NCAPD2: variants seen among roughly 807,000 people sequenced by gnomAD.
NCAPD2 encodes condensin complex subunit 1.
A neutral mutation model predicts 164.5 loss-of-function variants in NCAPD2; 100 were observed. The ratio of observed to expected loss-of-function variants is 0.61; its 90% CI spans 0.52 to 0.72. The LOEUF is 0.72. Ranked by LOEUF, NCAPD2 falls within the 30% of genes least tolerant of loss-of-function variation. NCAPD2 has a pLI of 0.00. For synonymous variants in NCAPD2, 585 were observed against 642.6 expected (o/e 0.91, Z 1.36); for missense variants, 1,560 against 1,749.2 (o/e 0.89, Z 1.93).
intron 4 of NCAPD2, 59 bp downstream of exon 4, chr12:6,510,192 CTGTT>C (rs750802926): frequency 8.6e-5 from 129 of 1,503,712 alleles, no homozygotes; most frequent in South Asian, 7.2e-4. Context: ...GTTTGTTTGT[CTGTT>C]TGTTTGTTTT....
rs1946368323 is a variant in NCAPD2, at chr12:6,531,075, A to G, written c.4119A>G (p.Glu1373=). Residue 1373 remains glutamate, a splice_region_variant and synonymous_variant, in exon 31 of 32, where the codon GAA becomes GAG. Coordinates refer to ENST00000315579, the MANE Select transcript of NCAPD2 (RefSeq NM_014865.4). The surrounding 1 kb of genome is among the most constrained non-coding windows in gnomAD (Gnocchi z 4.1). ...TCTCAAGTGATGAGTCCAGTGAGGA[A>G]GGTATGATGCTCCCGCCTGTTCCCG... The part of the protein sequence containing the change: ...VVFSSDESSE[E]DLSAEMTEDE... 1 of 1,613,212 alleles carries G rather than the reference A, an allele frequency of 6.2e-7. No homozygotes were observed. Among genetic ancestry groups the G allele is most frequent in the East Asian group, 2.2e-5 (1 of 44,878 alleles).
intron 9 of NCAPD2, 97 bp from the exon 10 acceptor site, chr12:6,516,731 G>A (rs1450748563): frequency 8.7e-7 from 1 of 1,152,852 alleles, no homozygotes; most frequent in Admixed American, 2.0e-5. Context: ...GACCTTGGGA[G>A]TGAATACCTA....
rs1247216813 is a variant in NCAPD2 at position 6,521,688 on chromosome 12, A to G, written c.1715-110A>G. ...GCAACAGAGTGAGACCCCATCTCAA[A>G]AGAAAAGAAGAAGGAAAATAAATAA... On this transcript the variant is annotated intron_variant, in intron 14 of 31. Transcript: ENST00000315579. 5.7e-6 allele frequency: 8 copies of G among 1,392,494 alleles called. No individual in the cohort carries two copies. In the African/African-American group the frequency reaches 1.2e-4, roughly 20 times the overall value. The allele number at this position is 1,392,494 out of a possible 1,614,324, so 86.3% of individuals were successfully genotyped here. A position where few individuals can be genotyped will look rare whatever the true frequency, so the allele number is the denominator to read the frequency against.
chr12:6,495,353 T>C, intron 2 of NCAPD2, 128 bp downstream of exon 2: 2 of 1,230,198 alleles, frequency 1.6e-6, no homozygotes, highest in Non-Finnish European at 2.2e-6. Flanking sequence ...GTTTTTCCTA[T>C]TTTGCTGTTT....
intron 1 of NCAPD2, 93 bp from the exon 2 acceptor site, chr12:6,494,983 C>A: frequency 7.8e-7 from 1 of 1,289,696 alleles, no homozygotes; most frequent in Non-Finnish European, 1.1e-6. Context: ...AACTAAAAGC[C>A]ATTATATATG....
chr12:6,505,838 C>G (rs1477429320), intron 2 of NCAPD2, among the ~76,000 whole-genome samples: 2 of 54,556 alleles, frequency 3.7e-5, no homozygotes, highest in Non-Finnish European at 6.2e-5. Context: ...ACACTCTAGC[C>G]TGGGTGACAG....
intron 9 of NCAPD2, 96 bp downstream of exon 9, chr12:6,515,016 C>G (rs1203822470): frequency 2.2e-6 from 3 of 1,352,580 alleles, no homozygotes; most frequent in Non-Finnish European, 3.1e-6. Context: ...GTAGCTTTGA[C>G]AAGTTGTCTA....
At chr12:6,529,631 G>A (rs373472316) in intron 28 of NCAPD2, 38 bp downstream of exon 28, 2 of 1,610,308 alleles carry the variant, frequency 1.2e-6, no homozygotes, top group Non-Finnish European at 1.7e-6. Flanking sequence ...GTGCTGAGCG[G>A]GGCCCTGCAG....
At chr12:6,511,284 G>A in intron 6 of NCAPD2, 32 bp downstream of exon 6, 2 of 1,602,134 alleles carry the variant, frequency 1.2e-6, no homozygotes, top group African/African-American at 1.3e-5. Context: ...AGATAATACT[G>A]AGCTGTGAGA....
Position 6,530,936 on chromosome 12 carries a change from C to T in NCAPD2, c.3980C>T (p.Pro1327Leu), listed in dbSNP as rs745623301. Residue 1327 changes from proline (P) to leucine (L), a missense_variant, in exon 31 of 32, where the codon CCT (proline) becomes CTT (leucine). By Grantham distance (98) the Pro-to-Leu change is moderately conservative. Coordinates refer to ENST00000315579, the MANE Select transcript of NCAPD2 (RefSeq NM_014865.4). ...CCTTTTCTAGGTTCTAGGTACCAGC[C>T]TCTGGCTTCTACAGCCTCAGACAAT... Reference protein sequence around the residue: ...KKPSTGSRYQPLASTASDNDF... With the variant: ...KKPSTGSRYQLLASTASDNDF... 1.2e-6 allele frequency: 2 copies of T among 1,614,162 alleles called. No individual in the cohort carries two copies. The highest frequency in any genetic ancestry group is 1.7e-6 in the Non-Finnish European group (2 of 1,180,032).
rs149674449 is a variant in NCAPD2 at position 6,510,671 on chromosome 12, A to C, written c.305A>C (p.Asp102Ala). ...CAGGAGCTTCCAGCTATCCTGGATG[A>C]TACAACTTTGAGTGGATCAGATAGA... ...HSQELPAILD[D>A]TTLSGSDRNA... The change falls in exon 5 of 32, where the codon GAT (aspartate) becomes GCT (alanine). Residue 102 changes from aspartate (D) to alanine (A), a missense_variant. Transcript: ENST00000315579. 7.4e-6 allele frequency: 12 copies of C among 1,614,080 alleles called. No homozygotes were observed. Among genetic ancestry groups the C allele is most frequent in the African/African-American group, 1.3e-5 (1 of 74,910 alleles).
chr12:6,526,206 T>G lies in NCAPD2; in HGVS notation c.2481+6T>G. On this transcript the variant is annotated splice_donor_region_variant and intron_variant, in intron 19 of 31. Coordinates refer to ENST00000315579, the MANE Select transcript of NCAPD2 (RefSeq NM_014865.4). ...ACATCTCGGACAGGAGAAAGGTATG[T>G]GGGGGTGGTTCCAAACTAAGGAGAG... 1.9e-6 allele frequency: 3 copies of G among 1,614,138 alleles called. No homozygotes were observed. The highest frequency in any genetic ancestry group is 2.5e-6 in the Non-Finnish European group (3 of 1,180,028).
At position 6,529,567 on chromosome 12, in the gene NCAPD2, G is replaced by T; in HGVS notation, c.3627G>T (p.Lys1209Asn). 1.2e-6 allele frequency: 2 copies of T among 1,614,204 alleles called. No homozygotes were observed. The highest frequency in any genetic ancestry group is 1.7e-6 in the Non-Finnish European group (2 of 1,180,026). ...KDKQTESLVE[K>N]LCQRFRTSRT... ...AGCAGACAGAGAGCCTGGTGGAAAA[G>T]CTGTGTCAGCGGTTCCGCACATCCC... Residue 1209 changes from lysine (K) to asparagine (N), a missense_variant, in exon 28 of 32, where the codon AAG becomes AAT. By Grantham distance (94) the Lys-to-Asn change is moderately conservative. Coordinates refer to ENST00000315579, the MANE Select transcript of NCAPD2 (RefSeq NM_014865.4).
intron 2 of NCAPD2, among the ~76,000 whole-genome samples, chr12:6,499,083 A>G (rs1592164046): frequency 6.6e-6 from 1 of 152,130 alleles, no homozygotes; most frequent in Non-Finnish European, 1.5e-5. Flanking sequence ...CAGTGTGGAT[A>G]TGTTGGACAA....
intron 29 of NCAPD2, among the ~76,000 whole-genome samples, chr12:6,530,460 C>T (rs1199097306): frequency 6.6e-6 from 1 of 152,194 alleles, no homozygotes; most frequent in Non-Finnish European, 1.5e-5. Flanking sequence ...TTACAAATCC[C>T]CTGCACTCCA....
In NCAPD2 at chr12:6,529,961, G is replaced by A; in HGVS notation, c.3837+3G>A. 1 of 1,612,186 alleles carries A rather than the reference G, an allele frequency of 6.2e-7. No individual in the cohort carries two copies. The highest frequency in any genetic ancestry group is 8.5e-7 in the Non-Finnish European group (1 of 1,178,824). On this transcript the variant is annotated splice_donor_region_variant and intron_variant, in intron 29 of 31. Transcript: ENST00000315579. ...GTGGGGCCAAGCCTGAGGGCAAGGT[G>A]AGCAGCACAGGACACTTCAATGCCT...
chr12:6,531,737 G>A lies in NCAPD2; in HGVS notation c.*325G>A. The A allele has an allele frequency of 2.8e-6, 1 of 354,182 alleles. No homozygotes were observed. Among genetic ancestry groups the A allele is most frequent in the Non-Finnish European group, 5.3e-6 (1 of 187,378 alleles). 21.9% of individuals were successfully genotyped at this position (354,182 alleles called of 1,614,324 possible). A position where few individuals can be genotyped will look rare whatever the true frequency, so the allele number is the denominator to read the frequency against. On this transcript the variant is annotated 3_prime_UTR_variant, in exon 32 of 32. Transcript: ENST00000315579. This position sits in a 1 kb window ranked among gnomAD's most constrained non-coding sequence, Gnocchi z 4.1. Reference sequence around the variant, plus strand: ...GGAGAATCGCCTGAACCCAGAGGCGGAGGTTGTAGTGAGCCGAAATCACAC... The same window carrying A: ...GGAGAATCGCCTGAACCCAGAGGCGAAGGTTGTAGTGAGCCGAAATCACAC...
At chr12:6,509,345 T>G (rs1946124797) in intron 2 of NCAPD2, among the ~76,000 whole-genome samples, 1 of 152,308 alleles carries the variant, frequency 6.6e-6, no homozygotes, top group African/African-American at 2.4e-5. Flanking sequence ...CACTGCAACC[T>G]CCACCTCTTG....
chr12:6,518,066 C>A, intron 13 of NCAPD2, 107 bp downstream of exon 13: 1 of 1,072,442 alleles, frequency 9.3e-7, no homozygotes, highest in Non-Finnish European at 1.4e-6. Context: ...AGATATGCTG[C>A]CACCAGGTGA....
Sources: gnomAD v4.1 joint callset for allele counts (sites outside exome capture counted in the v4.1 genomes callset) on GRCh38, gnomAD v4.1.1 for gene constraint, Gnocchi (gnomAD v3.1) non-coding constraint, MANE v1.5 for transcripts, NCBI Gene and HGNC (gene_info 2026-07-23, HGNC 2026-07-21) for gene names.